Variants in OR4C16 observed in about 807,000 individuals in gnomAD.
The protein encoded by OR4C16 is olfactory receptor 4C16.
Under a neutral mutation model 14.4 loss-of-function variants are expected in OR4C16, and 24 were observed. The ratio of observed to expected loss-of-function variants is 1.66; its 90% CI spans 1.21 to 2.34. OR4C16 has a LOEUF of 2.34. Ranked by LOEUF, OR4C16 falls within the 30% of genes most tolerant of loss-of-function variation. The pLI is 0.00. For missense variants in OR4C16, 674 were observed against 364.2 expected, an observed-to-expected ratio of 1.85 and a Z score of -6.92; for synonymous variants, 233 against 133.5, an observed-to-expected ratio of 1.75 and a Z score of -5.14.
In OR4C16 at chr11:55,572,903, T is replaced by C. The variant is rs559449; in HGVS notation, c.776T>C (p.Leu259Pro). Residue 259 changes from leucine to proline, a missense_variant, in exon 1 of 1, where the codon CTT becomes CCT. Coordinates refer to ENST00000623907, the MANE Select transcript of OR4C16 (RefSeq NM_001004701.2). ...FGPCIFMYTC[L>P]ATVFPMDKMI... is the part of the protein sequence containing the mutation. ...CCTTGCATATTTATGTACACATGCC[T>C]TGCAACCGTATTCCCCATGGATAAG... The C allele has an allele frequency of 0.53, 857,702 of 1,612,632 alleles. 230,946 individuals are homozygous for C. The highest frequency in any genetic ancestry group is 0.63 in the Admixed American group (37,497 of 59,972).
Position 55,572,489 on chromosome 11 carries a change from A to T in OR4C16, c.362A>T (p.Tyr121Phe), listed in dbSNP as rs1170993164. 6.2e-7 allele frequency: 1 copy of T among 1,614,038 alleles called. No individual in the cohort carries two copies. Among genetic ancestry groups the T allele is most frequent in the Non-Finnish European group, 8.5e-7 (1 of 1,180,000 alleles). ...FILILTAVDR[Y>F]VDICKPLHYM... ...CTCATCCTCACGGCTGTTGACCGCT[A>T]TGTGGACATCTGTAAGCCCCTGCAC... Residue 121 changes from tyrosine (Y) to phenylalanine (F), a missense_variant, in exon 1 of 1, where the codon TAT (tyrosine) becomes TTT (phenylalanine). Coordinates refer to ENST00000623907, the MANE Select transcript of OR4C16 (RefSeq NM_001004701.2).
Position 55,572,664 on chromosome 11 carries a change from G to C in OR4C16, c.537G>C (p.Leu179Phe), listed in dbSNP as rs1469458228. 6.2e-7 allele frequency: 1 copy of C among 1,614,108 alleles called. No individual in the cohort carries two copies. The highest frequency in any genetic ancestry group is 1.1e-5 in the South Asian group (1 of 91,082). ...PNVINHCFCDLQPLLKQACSE... is the reference protein window; with the variant it reads ...PNVINHCFCDFQPLLKQACSE... ...TGATCAATCACTGTTTCTGTGACTTGCAGCCCTTGTTGAAACAAGCCTGTT... is the reference window on the plus strand; with the variant it reads ...TGATCAATCACTGTTTCTGTGACTTCCAGCCCTTGTTGAAACAAGCCTGTT... The change falls in exon 1 of 1, where the codon TTG becomes TTC. Residue 179 changes from leucine (L) to phenylalanine (F), a missense_variant. Coordinates refer to ENST00000623907, the MANE Select transcript of OR4C16 (RefSeq NM_001004701.2).
chr11:55,572,173 A>G lies in OR4C16; in HGVS notation c.46A>G (p.Thr16Ala). 6.2e-7 allele frequency: 1 copy of G among 1,612,468 alleles called. No individual in the cohort carries two copies. Among genetic ancestry groups the G allele is most frequent in the Non-Finnish European group, 8.5e-7 (1 of 1,178,850 alleles). Reference sequence around the variant, plus strand: ...GACTGAGTTCATTCTGCTTGGATTGACACAGGATCCTTTTTGGAAGAAAAT... The same window carrying G: ...GACTGAGTTCATTCTGCTTGGATTGGCACAGGATCCTTTTTGGAAGAAAAT... ...NVTEFILLGL[T>A]QDPFWKKIVF... Residue 16 changes from threonine (T) to alanine (A), a missense_variant, in exon 1 of 1, where the codon ACA becomes GCA. Transcript: ENST00000623907.
rs1282351898 is a variant in OR4C16 at position 55,572,860 on chromosome 11, G to A, written c.733G>A (p.Val245Ile). 1 of 1,613,920 alleles carries A rather than the reference G, an allele frequency of 6.2e-7. No homozygotes were observed. ...CACATGTGTCTCCCACATCATTGTG[G>A]TCATCTTGTTCTTTGGACCTTGCAT... is the stretch of plus-strand genomic sequence containing the variant. ...LSTCVSHIIV[V>I]ILFFGPCIFM... Residue 245 changes from valine to isoleucine, a missense_variant, in exon 1 of 1, where the codon GTC (valine) becomes ATC (isoleucine). Transcript: ENST00000623907.
rs1857390515 is a variant in OR4C16, at chr11:55,572,278, C to T, written c.151C>T (p.Gln51Ter). Residue 51 changes from glutamine (Q) to a stop codon, truncating the protein, a stop_gained, in exon 1 of 1, where the codon CAG (glutamine) becomes TAG (stop). Transcript: ENST00000623907. LOFTEE classifies it high-confidence loss of function. ...AATCATTATTAGTGTCAAGACCAGC[C>T]AGGCACTTAAGAACCCAATGTTCTT... ...LLIIISVKTS[Q>*]ALKNPMFFFL... The T allele has an allele frequency of 1.9e-6, 3 of 1,612,976 alleles. No individual in the cohort carries two copies. The highest frequency in any genetic ancestry group is 1.6e-4 in the Middle Eastern group (1 of 6,082).
At position 55,572,584 on chromosome 11, in the gene OR4C16, C is replaced by G. The variant is rs779602725; in HGVS notation, c.457C>G (p.His153Asp). Residue 153 changes from histidine (H) to aspartate (D), a missense_variant, in exon 1 of 1, where the codon CAT becomes GAT. Physicochemically the swap from His to Asp is moderately conservative, Grantham distance 81. Transcript: ENST00000623907. ...TGTGGCCTGGGTGGGATCCTGTGTG[C>G]ATTCTTTAGTTCAGATTTTTCTTGC... ...MAVAWVGSCV[H>D]SLVQIFLALS... 3.1e-6 allele frequency: 5 copies of G among 1,614,072 alleles called. No homozygotes were observed. The highest frequency in any genetic ancestry group is 4.2e-6 in the Non-Finnish European group (5 of 1,179,974).
Position 55,572,902 on chromosome 11 carries a change from C to A in OR4C16, c.775C>A (p.Leu259Ile). ...FGPCIFMYTCLATVFPMDKMI... is the reference protein window; with the variant it reads ...FGPCIFMYTCIATVFPMDKMI... ...ACCTTGCATATTTATGTACACATGC[C>A]TTGCAACCGTATTCCCCATGGATAA... Residue 259 changes from leucine to isoleucine, a missense_variant, in exon 1 of 1, where the codon CTT (leucine) becomes ATT (isoleucine). Coordinates refer to ENST00000623907, the MANE Select transcript of OR4C16 (RefSeq NM_001004701.2). The A allele has an allele frequency of 1.2e-6, 2 of 1,613,772 alleles. No individual in the cohort carries two copies. The highest frequency in any genetic ancestry group is 4.5e-5 in the East Asian group (2 of 44,868).
rs750741506 is a variant in OR4C16 at position 55,572,258 on chromosome 11, T to G, written c.131T>G (p.Ile44Ser). The G allele has an allele frequency of 1.2e-5, 19 of 1,612,836 alleles. No individual in the cohort carries two copies. Among genetic ancestry groups the G allele is most frequent in the Middle Eastern group, 1.6e-4 (1 of 6,082 alleles). ...LGTLLGNLLIIISVKTSQALK... is the reference protein window; with the variant it reads ...LGTLLGNLLISISVKTSQALK... ...ACACTGTTGGGTAATTTGCTAATCA[T>G]TATTAGTGTCAAGACCAGCCAGGCA... is the stretch of plus-strand genomic sequence containing the variant. The change falls in exon 1 of 1, where the codon ATT becomes AGT. Residue 44 changes from isoleucine (I) to serine (S), a missense_variant. By Grantham distance (142) the Ile-to-Ser change is moderately radical. Transcript: ENST00000623907.
chr11:55,572,995 A>G lies in OR4C16; in HGVS notation c.868A>G (p.Thr290Ala), dbSNP rs1243599911. ...CCCTGTGATTTACACGCTGAAGAAT[A>G]CAGAAGTGAAAAGTGCCATGAGGAA... is the stretch of plus-strand genomic sequence containing the variant. ...LNPVIYTLKN[T>A]EVKSAMRKLW... Residue 290 changes from threonine (T) to alanine (A), a missense_variant, in exon 1 of 1, where the codon ACA becomes GCA. Thr to Ala is a moderately conservative substitution (Grantham distance 58). Transcript: ENST00000623907. 1.7e-5 allele frequency: 27 copies of G among 1,605,888 alleles called. No individual in the cohort carries two copies. Among genetic ancestry groups the G allele is most frequent in the Non-Finnish European group, 2.3e-5 (27 of 1,174,678 alleles).
In OR4C16 at chr11:55,572,827, G is replaced by T. The variant is rs201228188; in HGVS notation, c.700G>T (p.Ala234Ser). The T allele has an allele frequency of 5.6e-6, 9 of 1,614,014 alleles. No homozygotes were observed. Among genetic ancestry groups the T allele is most frequent in the Non-Finnish European group, 6.8e-6 (8 of 1,179,880 alleles). The change falls in exon 1 of 1, where the codon GCA becomes TCA. Residue 234 changes from alanine to serine, a missense_variant. Transcript: ENST00000623907. ...CCACAGTGCTGAAGTGATAAAGAAA[G>T]CACTTTCCACATGTGTCTCCCACAT... ...RNHSAEVIKKALSTCVSHIIV... is the reference protein window; with the variant it reads ...RNHSAEVIKKSLSTCVSHIIV...
At position 55,572,409 on chromosome 11, in the gene OR4C16, G is replaced by T. The variant is rs778904564; in HGVS notation, c.282G>T (p.Glu94Asp). The change falls in exon 1 of 1, where the codon GAG becomes GAT. Residue 94 changes from glutamate (E) to aspartate (D), a missense_variant. Transcript: ENST00000623907. ...LLKKTTISFSECMIQVFSSHV... is the reference protein window; with the variant it reads ...LLKKTTISFSDCMIQVFSSHV... ...AGAAGACAACTATCTCCTTCAGCGAGTGCATGATCCAAGTCTTTTCATCCC... is the reference window on the plus strand; with the variant it reads ...AGAAGACAACTATCTCCTTCAGCGATTGCATGATCCAAGTCTTTTCATCCC... The T allele has an allele frequency of 6.2e-7, 1 of 1,614,020 alleles. No homozygotes were observed. The highest frequency in any genetic ancestry group is 8.5e-7 in the Non-Finnish European group (1 of 1,180,014).
rs768595930 is a variant in OR4C16, at chr11:55,572,218, C to G, written c.91C>G (p.Arg31Gly). The change falls in exon 1 of 1, where the codon CGT becomes GGT. Residue 31 changes from arginine (R) to glycine (G), a missense_variant. Arg to Gly is a moderately radical substitution (Grantham distance 125, BLOSUM62 -2). Transcript: ENST00000623907. ...GAAAATAGTGTTTGTTATTTTTTTGCGTCTCTACTTGGGAACACTGTTGGG... is the reference window on the plus strand; with the variant it reads ...GAAAATAGTGTTTGTTATTTTTTTGGGTCTCTACTTGGGAACACTGTTGGG... ...WKKIVFVIFL[R>G]LYLGTLLGNL... The G allele has an allele frequency of 1.2e-6, 2 of 1,609,704 alleles. No individual in the cohort carries two copies. Among genetic ancestry groups the G allele is most frequent in the South Asian group, 2.2e-5 (2 of 90,956 alleles).
chr11:55,572,651 G>A lies in OR4C16; in HGVS notation c.524G>A (p.Cys175Tyr). 6.2e-7 allele frequency: 1 copy of A among 1,614,152 alleles called. No individual in the cohort carries two copies. Among genetic ancestry groups the A allele is most frequent in the Non-Finnish European group, 8.5e-7 (1 of 1,180,020 alleles). ...PFCGPNVINH[C>Y]FCDLQPLLKQ... ...TGTGGCCCCAATGTGATCAATCACTGTTTCTGTGACTTGCAGCCCTTGTTG... is the reference window on the plus strand; with the variant it reads ...TGTGGCCCCAATGTGATCAATCACTATTTCTGTGACTTGCAGCCCTTGTTG... The change falls in exon 1 of 1, where the codon TGT becomes TAT. Residue 175 changes from cysteine (C) to tyrosine (Y), a missense_variant. Cys to Tyr is a radical substitution (Grantham distance 194). Coordinates refer to ENST00000623907, the MANE Select transcript of OR4C16 (RefSeq NM_001004701.2).
Position 55,573,046 on chromosome 11 carries a change from G to T in OR4C16, c.919G>T (p.Asp307Tyr), listed in dbSNP as rs376991618. The change falls in exon 1 of 1, where the codon GAT becomes TAT. Residue 307 changes from aspartate (D) to tyrosine (Y), a missense_variant. Physicochemically the swap from Asp to Tyr is radical, Grantham distance 160. Coordinates refer to ENST00000623907, the MANE Select transcript of OR4C16 (RefSeq NM_001004701.2). ...GCTTTGGAGCAAGAAATTGATCACA[G>T]ATGACAAAAGATAAATGAAGGTTTC... ...RKLWSKKLIT[D>Y]DKR 2.6e-6 allele frequency: 4 copies of T among 1,543,392 alleles called. No individual in the cohort carries two copies. In the African/African-American group the frequency reaches 5.5e-5, roughly 21 times the overall value.
chr11:55,572,823 G>C lies in OR4C16; in HGVS notation c.696G>C (p.Lys232Asn). The change falls in exon 1 of 1, where the codon AAG (lysine) becomes AAC (asparagine). Residue 232 changes from lysine (K) to asparagine (N), a missense_variant. Lys to Asn is a moderately conservative substitution (Grantham distance 94). Transcript: ENST00000623907. ...GAAACCACAGTGCTGAAGTGATAAA[G>C]AAAGCACTTTCCACATGTGTCTCCC... ...SLRNHSAEVI[K>N]KALSTCVSHI... 6.2e-7 allele frequency: 1 copy of C among 1,613,940 alleles called. No individual in the cohort carries two copies. The highest frequency in any genetic ancestry group is 8.5e-7 in the Non-Finnish European group (1 of 1,179,840).
In OR4C16 at chr11:55,572,785, T is replaced by C. The variant is rs1181505136; in HGVS notation, c.658T>C (p.Leu220=). Residue 220 remains leucine (L), a synonymous_variant, in exon 1 of 1, where the codon TTG becomes CTG. Transcript: ENST00000623907. ...GCTAATATTCTCCTATGTCATCTTC[T>C]TGCATTCTCTGAGAAACCACAGTGC... ...VMLIFSYVIF[L]HSLRNHSAEV... is the part of the protein sequence containing the mutation. 2 of 1,614,042 alleles carry C rather than the reference T, an allele frequency of 1.2e-6. No individual in the cohort carries two copies. Among genetic ancestry groups the C allele is most frequent in the Non-Finnish European group, 1.7e-6 (2 of 1,180,022 alleles).
rs761423054 is a variant in OR4C16 at position 55,573,026 on chromosome 11, G to A, written c.899G>A (p.Trp300Ter). 6.4e-7 allele frequency: 1 copy of A among 1,573,116 alleles called. No homozygotes were observed. The highest frequency in any genetic ancestry group is 8.6e-7 in the Non-Finnish European group (1 of 1,157,970). Residue 300 changes from tryptophan (W) to a stop codon, truncating the protein, a stop_gained, in exon 1 of 1, where the codon TGG becomes TAG. Coordinates refer to ENST00000623907, the MANE Select transcript of OR4C16 (RefSeq NM_001004701.2). LOFTEE classifies it high-confidence loss of function. ...TEVKSAMRKLWSKKLITDDKR is the reference protein window; with the variant it reads ...TEVKSAMRKL ...GTGAAAAGTGCCATGAGGAAGCTTT[G>A]GAGCAAGAAATTGATCACAGATGAC...
At position 55,572,967 on chromosome 11, in the gene OR4C16, C is replaced by G; in HGVS notation, c.840C>G (p.Leu280=). 6.2e-7 allele frequency: 1 copy of G among 1,613,448 alleles called. No individual in the cohort carries two copies. Among genetic ancestry groups the G allele is most frequent in the Non-Finnish European group, 8.5e-7 (1 of 1,179,558 alleles). The change falls in exon 1 of 1, where the codon CTC becomes CTG. Residue 280 remains leucine (L), a synonymous_variant. Transcript: ENST00000623907. ...TTTATACAGTTGGAACATCTTTTCT[C>G]AACCCTGTGATTTACACGCTGAAGA... is the stretch of plus-strand genomic sequence containing the variant. ...AVFYTVGTSF[L]NPVIYTLKNT... is the part of the protein sequence containing the mutation.
In OR4C16 at chr11:55,572,210, T is replaced by G; in HGVS notation, c.83T>G (p.Ile28Ser). The change falls in exon 1 of 1, where the codon ATT (isoleucine) becomes AGT (serine). Residue 28 changes from isoleucine to serine, a missense_variant. Transcript: ENST00000623907. ...TTTTGGAAGAAAATAGTGTTTGTTA[T>G]TTTTTTGCGTCTCTACTTGGGAACA... ...DPFWKKIVFV[I>S]FLRLYLGTLL... 2 of 1,609,966 alleles carry G rather than the reference T, an allele frequency of 1.2e-6. No homozygotes were observed. Among genetic ancestry groups the G allele is most frequent in the Non-Finnish European group, 1.7e-6 (2 of 1,176,544 alleles).
Sources: allele counts gnomAD v4.1 joint callset, GRCh38; gene constraint gnomAD v4.1.1; transcripts MANE v1.5; gene names NCBI Gene and HGNC (gene_info 2026-07-23, HGNC 2026-07-21).